AARS1: variants seen among roughly 807,000 people sequenced by gnomAD.
The protein encoded by AARS1 is alanyl-tRNA synthetase 1.
In AARS1, 72 loss-of-function variants were observed where a neutral mutation model predicts 108.9. That is an observed-to-expected ratio of 0.66 (90% confidence interval 0.55 to 0.80). The LOEUF is 0.80. AARS1 is among the 30% of genes least tolerant of loss of function. The probability of loss-of-function intolerance (pLI) is 0.00; values close to 1 mark genes in which losing one functional copy is unlikely to be tolerated. For missense variants in AARS1, 1,193 were observed against 1,233.2 expected (o/e 0.97, Z 0.49); for synonymous variants, 489 against 465.7 (o/e 1.05, Z -0.64).
At position 70,279,723 on chromosome 16, in the gene AARS1, T is replaced by C. The variant is rs1479658598; in HGVS notation, c.145-2569A>G. Among the ~76,000 whole-genome samples, 3 of 151,462 alleles carry C rather than the reference T, an allele frequency of 2.0e-5. No homozygotes were observed. In the South Asian group the frequency reaches 6.3e-4, roughly 32 times the overall value. ...CAAACACTGTACTCCCTGGTTCTTG[T>C]TCAGGCGGCTCATGTGGAAGGTGAC... is the stretch of plus-strand genomic sequence containing the variant. On this transcript the variant is annotated intron_variant, in intron 2 of 20. Transcript: ENST00000261772.
intron 4 of AARS1, among the ~76,000 whole-genome samples, chr16:70,274,519 T>C (rs1960490381): frequency 6.7e-6 from 1 of 150,048 alleles, no homozygotes; most frequent in South Asian, 2.1e-4. Flanking sequence ...AGGTCAGGAG[T>C]TCAAGACCAG....
In AARS1 at chr16:70,282,625, T is replaced by C. The variant is rs1960728869; in HGVS notation, c.139A>G (p.Asn47Asp). 6.2e-7 allele frequency: 1 copy of C among 1,614,048 alleles called. No individual in the cohort carries two copies. Among genetic ancestry groups the C allele is most frequent in the Non-Finnish European group, 8.5e-7 (1 of 1,180,042 alleles). Reference protein sequence around the residue: ...PTLLFANAGMNQFKPIFLNTI... With the variant: ...PTLLFANAGMDQFKPIFLNTI... ...AAAAAAGGAAAAACCCTTACCTGGT[T>C]CATGCCTGCATTGGCAAAGAGCAAA... Residue 47 changes from asparagine to aspartate, a missense_variant, in exon 2 of 21, where the codon AAC (asparagine) becomes GAC (aspartate). Coordinates refer to ENST00000261772, the MANE Select transcript of AARS1 (RefSeq NM_001605.3).
chr16:70,263,597 C>G (rs1436512774), intron 11 of AARS1, among the ~76,000 whole-genome samples: 1 of 151,756 alleles, frequency 6.6e-6, no homozygotes, highest in Non-Finnish European at 1.5e-5. Flanking sequence ...TTGTTCTCTA[C>G]CAGGGCAAAA....
At chr16:70,268,408 G>A (rs773455927) in intron 7 of AARS1, 29 bp from the exon 8 acceptor site, 8 of 1,595,482 alleles carry the variant, frequency 5.0e-6, no homozygotes, top group Middle Eastern at 1.7e-4. Flanking sequence ...AGTCCCCAAC[G>A]TTCCCAGCTG....
At chr16:70,288,256 C>T (rs1321820517) in intron 1 of AARS1, among the ~76,000 whole-genome samples, 2 of 151,738 alleles carry the variant, frequency 1.3e-5, no homozygotes, top group African/African-American at 2.4e-5. Context: ...GGACTACGGG[C>T]GCCAGTCACC....
intron 2 of AARS1, among the ~76,000 whole-genome samples, chr16:70,282,331 GA>G (rs57976512): frequency 8.2e-5 from 9 of 110,314 alleles, no homozygotes; most frequent in Admixed American, 3.3e-4. Flanking sequence ...TCCGTCTCAG[GA>G]AAAAAAAAAA....
chr16:70,285,184 G>T (rs1440620987), intron 1 of AARS1, among the ~76,000 whole-genome samples: 6 of 151,022 alleles, frequency 4.0e-5, no homozygotes, highest in Admixed American at 2.0e-4. Flanking sequence ...AGCCGAAATT[G>T]CGCCACTGCA....
rs112061695 is a variant in AARS1 at position 70,258,855 on chromosome 16, T to C, written c.1992+125A>G. ...CAGGCGTGAGCTACCGTGCCCAGCC[T>C]GCTTTAAGCAAATCTACGTGCAGGA... On this transcript the variant is annotated intron_variant, in intron 14 of 20. Coordinates refer to ENST00000261772, the MANE Select transcript of AARS1 (RefSeq NM_001605.3). 75 of 1,193,984 alleles carry C rather than the reference T, an allele frequency of 6.3e-5. 1 individual carries two copies. In the African/African-American group the frequency reaches 9.2e-4, roughly 15 times the overall value. The allele number at this position is 1,193,984 out of a possible 1,614,324, so 74.0% of individuals were successfully genotyped here.
intron 20 of AARS1, 54 bp from the exon 21 acceptor site, chr16:70,252,960 G>A: frequency 1.3e-6 from 2 of 1,570,390 alleles, no homozygotes; most frequent in Non-Finnish European, 1.7e-6. Flanking sequence ...ATTGAGGGAG[G>A]AATGCAGGGA....
intron 1 of AARS1, among the ~76,000 whole-genome samples, chr16:70,288,201 C>T (rs568308639): frequency 1.9e-4 from 27 of 145,746 alleles, no homozygotes; most frequent in African/African-American, 6.4e-4. Flanking sequence ...CTCCCGGGTT[C>T]ACGCCATTCT....
At chr16:70,281,573 G>A (rs1326079163) in intron 2 of AARS1, among the ~76,000 whole-genome samples, 2 of 152,190 alleles carry the variant, frequency 1.3e-5, no homozygotes, top group Non-Finnish European at 2.9e-5. Flanking sequence ...GGCCAAGGCA[G>A]GAGAATCGCT....
intron 9 of AARS1, 88 bp downstream of exon 9, chr16:70,267,571 G>A: frequency 1.3e-6 from 2 of 1,513,150 alleles, no homozygotes; most frequent in Non-Finnish European, 1.8e-6. Context: ...AGAGACATGA[G>A]AGCCCACAGT....
chr16:70,252,861 C>T lies in AARS1; in HGVS notation c.2767G>A (p.Val923Met). ...CCTTTACCGTCCATCAAGCCTGACA[C>T]CTGCTGCACCCACTCGCTGGCTTTT... is the stretch of plus-strand genomic sequence containing the variant. ...GLKASEWVQQ[V>M]SGLMDGKGGG... is the part of the protein sequence containing the mutation. The change falls in exon 21 of 21, where the codon GTG becomes ATG. Residue 923 changes from valine to methionine, a missense_variant. Physicochemically the swap from Val to Met is conservative, Grantham distance 21 (BLOSUM62 1). Coordinates refer to ENST00000261772, the MANE Select transcript of AARS1 (RefSeq NM_001605.3). The T allele has an allele frequency of 6.2e-7, 1 of 1,614,192 alleles. No individual in the cohort carries two copies. Among genetic ancestry groups the T allele is most frequent in the Non-Finnish European group, 8.5e-7 (1 of 1,179,980 alleles).
At chr16:70,259,686 T>G (rs1363640664) in intron 13 of AARS1, among the ~76,000 whole-genome samples, 1 of 152,108 alleles carries the variant, frequency 6.6e-6, no homozygotes, top group African/African-American at 2.4e-5. Context: ...GGTCTCATGT[T>G]GTTGCCCAGG....
intron 15 of AARS1, among the ~76,000 whole-genome samples, chr16:70,256,777 G>C (rs1567602376): frequency 6.6e-6 from 1 of 152,040 alleles, no homozygotes; most frequent in African/African-American, 2.4e-5. Context: ...CTGCCTGCCA[G>C]AGGCCTGCAG....
rs1388493313 is a variant in AARS1 at position 70,265,628 on chromosome 16, C to T, written c.1257G>A (p.Gly419=). ...DTAWLLYDTY[G]FPVDLTGLIA... is the part of the protein sequence containing the mutation. ...TCAGTCCAGTCAGATCCACTGGAAA[C>T]CCATAGGTGTCATAGAGGAGCCAAG... Residue 419 remains glycine, a synonymous_variant, in exon 10 of 21, where the codon GGG becomes GGA. Transcript: ENST00000261772. The T allele has an allele frequency of 3.1e-6, 5 of 1,613,942 alleles. No homozygotes were observed. The highest frequency in any genetic ancestry group is 1.3e-5 in the African/African-American group (1 of 75,026).
At chr16:70,272,535 A>T (rs1326007167) in intron 4 of AARS1, among the ~76,000 whole-genome samples, 4 of 146,136 alleles carry the variant, frequency 2.7e-5, no homozygotes, top group Non-Finnish European at 5.9e-5. Context: ...AAAAAAAAAA[A>T]ACCCGCTAAA....
chr16:70,268,664 T>A (rs895122109), intron 7 of AARS1, among the ~76,000 whole-genome samples: 2 of 152,176 alleles, frequency 1.3e-5, no homozygotes, highest in Non-Finnish European at 2.9e-5. Flanking sequence ...TTGATGCCTG[T>A]GATCCCAGGT....
At chr16:70,281,827 G>C (rs1960703112) in intron 2 of AARS1, among the ~76,000 whole-genome samples, 1 of 152,068 alleles carries the variant, frequency 6.6e-6, no homozygotes, top group African/African-American at 2.4e-5. Context: ...ACTCCAGCAA[G>C]GGTGACAGAG....
Sources: allele counts gnomAD v4.1 joint callset (sites outside exome capture counted in the v4.1 genomes callset), GRCh38; gene constraint gnomAD v4.1.1; transcripts MANE v1.5; gene names NCBI Gene and HGNC (gene_info 2026-07-23, HGNC 2026-07-21).